The following KIAA1217 variants were observed in gnomAD, a reference collection of about 807,000 sequenced individuals.
KIAA1217 encodes the protein sickle tail protein homolog.
Under a neutral mutation model 163.9 loss-of-function variants are expected in KIAA1217, and 88 were observed. That is an observed-to-expected ratio of 0.54 (90% CI 0.45 to 0.64). KIAA1217 has a LOEUF of 0.64. KIAA1217 is among the 30% of genes least tolerant of loss of function. The probability of loss-of-function intolerance (pLI) is 0.00; values close to 1 mark genes in which losing one functional copy is unlikely to be tolerated. For missense variants in KIAA1217, 2,372 were observed against 2,475.0 expected (o/e 0.96, Z 0.88); for synonymous variants, 903 against 923.1 (o/e 0.98, Z 0.39).
At chr10:24,304,239 T>C (rs1360712066) in intron 2 of KIAA1217, among the ~76,000 whole-genome samples, 1 of 150,824 alleles carries the variant, frequency 6.6e-6, no homozygotes, top group Non-Finnish European at 1.5e-5. Flanking sequence ...CCATAGTACT[T>C]AAGAAAAATC....
At chr10:23,821,369 G>T (rs766747453) in intron 1 of KIAA1217, among the ~76,000 whole-genome samples, 3 of 152,096 alleles carry the variant, frequency 2.0e-5, no homozygotes, top group Non-Finnish European at 2.9e-5. Flanking sequence ...AAAGCCCCAT[G>T]TTCAGGTGGC....
chr10:23,827,099 A>G (rs1043679663), intron 1 of KIAA1217, among the ~76,000 whole-genome samples: 1 of 152,244 alleles, frequency 6.6e-6, no homozygotes, highest in African/African-American at 2.4e-5. Context: ...TTTATAGGAC[A>G]GGTGCAGTGT....
intron 2 of KIAA1217, among the ~76,000 whole-genome samples, chr10:24,305,618 G>T (rs1305845105): frequency 1.3e-5 from 2 of 152,174 alleles, no homozygotes; most frequent in African/African-American, 4.8e-5. Context: ...AGCTTGAGCG[G>T]TTAGAAGCAA....
At chr10:24,000,276 G>A (rs1230281447) in intron 1 of KIAA1217, among the ~76,000 whole-genome samples, 3 of 152,224 alleles carry the variant, frequency 2.0e-5, no homozygotes, top group African/African-American at 7.2e-5. Flanking sequence ...GGAGGAAGCA[G>A]TGGGAGGTAA....
rs530710163 is a variant in KIAA1217, at chr10:23,759,812, T to A, written c.-321+64578T>A. 2.6e-5 allele frequency among the ~76,000 whole-genome samples: 4 copies of A among 152,308 alleles called. No individual in the cohort carries two copies. The South Asian group carries it at 8.3e-4, about 32-fold the overall frequency. On this transcript the variant is annotated intron_variant, in intron 1 of 18. Transcript: ENST00000376462. ...CTTCTGTGAGCCTCCAGTCCCCATG[T>A]GTGGAATTGCCCTCCAAAAGTTGTA...
intron 2 of KIAA1217, among the ~76,000 whole-genome samples, chr10:24,257,376 C>T (rs1454358516): frequency 6.6e-6 from 1 of 152,108 alleles, no homozygotes; most frequent in African/African-American, 2.4e-5. Flanking sequence ...ACTCCAAATT[C>T]CCCTGAGGCC....
intron 1 of KIAA1217, among the ~76,000 whole-genome samples, chr10:23,869,124 GTTTTTTTTTTTTTTTT>G (rs58288361): frequency 3.2e-5 from 1 of 31,702 alleles, no homozygotes; most frequent in Non-Finnish European, 6.3e-5. Flanking sequence ...ATGAAATGTA[GTTTTTTTTTTTTTTTT>G]TTTTTTTTTT....
chr10:24,108,075 A>G (rs556941164), intron 2 of KIAA1217, among the ~76,000 whole-genome samples: 1 of 152,314 alleles, frequency 6.6e-6, no homozygotes, highest in African/African-American at 2.4e-5. Context: ...AGAGGGAAGA[A>G]GTAGCCAAGA....
chr10:24,291,631 T>C lies in KIAA1217; in HGVS notation c.354+71722T>C, dbSNP rs143508177. ...GGCAGTCTGTGGGGACAGTAACTTATAGGTTGTGTCCTGTCCGGTAGTGGG... is the reference window on the plus strand; with the variant it reads ...GGCAGTCTGTGGGGACAGTAACTTACAGGTTGTGTCCTGTCCGGTAGTGGG... On this transcript the variant is annotated intron_variant, in intron 2 of 20. Transcript: ENST00000376454. Among the ~76,000 whole-genome samples, 8 of 152,306 alleles carry C rather than the reference T, an allele frequency of 5.3e-5. No homozygotes were observed. The East Asian group carries it at 7.7e-4, about 15-fold the overall frequency.
At chr10:23,787,164 T>C (rs1835529547) in intron 1 of KIAA1217, among the ~76,000 whole-genome samples, 1 of 152,180 alleles carries the variant, frequency 6.6e-6, no homozygotes, top group Non-Finnish European at 1.5e-5. Context: ...TCTTTATGAA[T>C]TAGCTCATAT....
At chr10:24,293,681 G>A (rs1019795648) in intron 2 of KIAA1217, among the ~76,000 whole-genome samples, 6 of 152,218 alleles carry the variant, frequency 3.9e-5, no homozygotes, top group Non-Finnish European at 8.8e-5. Flanking sequence ...AGCATCTGAA[G>A]CCCCTTGTTG....
chr10:24,459,174 A>C (rs1206978925), intron 5 of KIAA1217, among the ~76,000 whole-genome samples: 2 of 152,152 alleles, frequency 1.3e-5, no homozygotes, highest in Non-Finnish European at 2.9e-5. Flanking sequence ...CCCCCAGGGC[A>C]CCTGGACTTT....
intron 1 of KIAA1217, among the ~76,000 whole-genome samples, chr10:23,832,317 G>A (rs1354568181): frequency 1.3e-5 from 2 of 152,162 alleles, no homozygotes; most frequent in African/African-American, 4.8e-5. Flanking sequence ...GGTGCATAGG[G>A]CAAGGTATGG....
intron 1 of KIAA1217, among the ~76,000 whole-genome samples, chr10:23,719,251 A>C (rs1376624198): frequency 1.3e-5 from 2 of 152,216 alleles, no homozygotes; most frequent in African/African-American, 4.8e-5. Context: ...TACATGCTAC[A>C]GTATGATGAA....
rs143065326 is a variant in KIAA1217, at chr10:24,510,391, T to C, written c.2002-2868T>C. On this transcript the variant is annotated intron_variant, in intron 9 of 20. Coordinates refer to ENST00000376454, the MANE Select transcript of KIAA1217 (RefSeq NM_019590.5). ...TTAAAATTTGGGCAGGAGGGTTAGG[T>C]GCCCTGCTGTGCCCCATAGCTCATG... Among the ~76,000 whole-genome samples, 47 of 152,276 alleles carry C rather than the reference T, an allele frequency of 3.1e-4. 1 individual carries two copies. The East Asian group carries it at 8.9e-3, about 29-fold the overall frequency.
At chr10:24,368,655 C>G (rs1238337769) in intron 2 of KIAA1217, among the ~76,000 whole-genome samples, 5 of 152,104 alleles carry the variant, frequency 3.3e-5, no homozygotes, top group Admixed American at 1.3e-4. Flanking sequence ...ATGTCAAATT[C>G]TGTTTTGAAA....
At chr10:24,525,105 T>C (rs2071925721) in intron 13 of KIAA1217, among the ~76,000 whole-genome samples, 1 of 152,142 alleles carries the variant, frequency 6.6e-6, no homozygotes, top group African/African-American at 2.4e-5. Flanking sequence ...AGTGGGTGCG[T>C]GCAGATCTGT....
rs142551157 is a variant in KIAA1217, at chr10:23,744,528, A to G, written c.-321+49294A>G. Among the ~76,000 whole-genome samples the G allele has an allele frequency of 3.3e-3, 499 of 152,220 alleles. 4 individuals are homozygous for G. The highest frequency in any genetic ancestry group is 0.011 in the African/African-American group (459 of 41,522). On this transcript the variant is annotated intron_variant, in intron 1 of 18. Coordinates refer to the KIAA1217 transcript ENST00000376462. ...CCAGACAGGGTCGCATCCCGAGTGT[A>G]TCATAAAGGGTGTTTTGGGAGAAGT...
intron 2 of KIAA1217, among the ~76,000 whole-genome samples, chr10:24,109,891 C>T (rs552594811): frequency 2.4e-4 from 37 of 152,310 alleles, no homozygotes; most frequent in Admixed American, 3.9e-4. Context: ...TTTGAGACAA[C>T]GTCTCGCTCT....
Sources: allele counts gnomAD v4.1 joint callset (sites outside exome capture counted in the v4.1 genomes callset), GRCh38; gene constraint gnomAD v4.1.1; transcripts MANE v1.5; gene names NCBI Gene and HGNC (gene_info 2026-07-23, HGNC 2026-07-21).